The following C18orf63 variants were observed in gnomAD, a reference collection of about 807,000 sequenced individuals.
C18orf63 encodes uncharacterized protein C18orf63.
C18orf63 carries 50 observed loss-of-function variants against 75.3 expected under a neutral mutation model. The observed-to-expected ratio is 0.66, with a 90% CI of 0.53 to 0.84. The LOEUF (loss-of-function observed/expected upper bound fraction) is 0.84, where lower values mean the gene tolerates loss of function less well. Ranked by LOEUF, C18orf63 falls within the 40% of genes least tolerant of loss-of-function variation. The pLI is 0.00. For synonymous variants in C18orf63, 232 were observed against 267.6 expected (o/e 0.87, Z 1.30); for missense variants, 732 against 800.2 (o/e 0.91, Z 1.03).
rs575104205 is a variant in C18orf63 at position 74,347,851 on chromosome 18, C to T, written c.978+4149C>T. 9.2e-5 allele frequency among the ~76,000 whole-genome samples: 14 copies of T among 152,264 alleles called. No individual in the cohort carries two copies. The East Asian group carries it at 1.7e-3, about 19-fold the overall frequency. On this transcript the variant is annotated intron_variant, in intron 11 of 13. Coordinates refer to ENST00000579455, the MANE Select transcript of C18orf63 (RefSeq NM_001174123.2). ...ATAAAGGAAATTAGTATAATCACCTCTCATGTGCTTCTCATCTAGTTTCCC... is the reference window on the plus strand; with the variant it reads ...ATAAAGGAAATTAGTATAATCACCTTTCATGTGCTTCTCATCTAGTTTCCC...
Position 74,321,764 on chromosome 18 carries a change from G to A in C18orf63, c.214-934G>A, listed in dbSNP as rs898135705. On this transcript the variant is annotated intron_variant, in intron 3 of 13. Transcript: ENST00000579455. ...TTCAAGAATGTGAATTTAAGCAAGG[G>A]CGATAAGAGGAAAGTAGCTATCTGT... Among the ~76,000 whole-genome samples the A allele has an allele frequency of 7.9e-5, 12 of 151,920 alleles. No individual in the cohort carries two copies. In the South Asian group the frequency reaches 1.0e-3, roughly 13 times the overall value.
Position 74,358,684 on chromosome 18 carries a change from A to T in C18orf63, c.*2237A>T, listed in dbSNP as rs1558947. ...ACCATTTTAATTTTAAAACCATAAG[A>T]AAATAATTTTATGTTTGCCTATGTC... On this transcript the variant is annotated 3_prime_UTR_variant, in exon 14 of 14. Transcript: ENST00000579455. The T allele has an allele frequency of 2.0e-5, 3 of 151,588 alleles. No individual in the cohort carries two copies. The highest frequency in any genetic ancestry group is 7.3e-5 in the African/African-American group (3 of 41,246). 9.4% of individuals were successfully genotyped at this position (151,588 alleles called of 1,614,324 possible). A position where few individuals can be genotyped will look rare whatever the true frequency, so the allele number is the denominator to read the frequency against.
chr18:74,343,843 TTTG>T (rs1272211750), intron 11 of C18orf63, 141 bp downstream of exon 11: 1 of 435,672 alleles, frequency 2.3e-6, no homozygotes, highest in Non-Finnish European at 4.0e-6. Flanking sequence ...CCTAAAACTA[TTTG>T]TTATTATTAT....
chr18:74,342,486 T>A (rs1305855678), intron 10 of C18orf63, among the ~76,000 whole-genome samples, 160 bp downstream of exon 10: 1 of 152,194 alleles, frequency 6.6e-6, no homozygotes, highest in Non-Finnish European at 1.5e-5. Flanking sequence ...TGTTTCTGGT[T>A]TGCTTAGAAT....
intron 3 of C18orf63, among the ~76,000 whole-genome samples, chr18:74,321,733 A>G (rs1430298238): frequency 6.6e-6 from 1 of 152,184 alleles, no homozygotes; most frequent in Non-Finnish European, 1.5e-5. Context: ...TTAGAGTACT[A>G]GTAAATTCAA....
At chr18:74,332,104 C>A (rs922953043) in intron 7 of C18orf63, among the ~76,000 whole-genome samples, 13 of 152,096 alleles carry the variant, frequency 8.5e-5, no homozygotes, top group African/African-American at 3.1e-4. Context: ...TCTTTGTTTT[C>A]TGTCGCTTAG....
chr18:74,357,516 A>G lies in C18orf63; in HGVS notation c.*1069A>G, dbSNP rs1162344694. 2.6e-5 allele frequency: 4 copies of G among 152,256 alleles called. No homozygotes were observed. The East Asian group carries it at 7.7e-4, about 29-fold the overall frequency. The allele number at this position is 152,256 out of a possible 1,614,324, so 9.4% of individuals were successfully genotyped here. ...CGAAATATTATATAATTGTTGTAAT[A>G]TATTTAAAAGAAACCAAAATCTTCA... On this transcript the variant is annotated 3_prime_UTR_variant, in exon 14 of 14. Transcript: ENST00000579455.
At chr18:74,335,248 CTT>C in intron 7 of C18orf63, among the ~76,000 whole-genome samples, 1 of 152,158 alleles carries the variant, frequency 6.6e-6, no homozygotes, top group South Asian at 2.1e-4. Flanking sequence ...AACTAGGTGA[CTT>C]TTGTTTCTAA....
In C18orf63 at chr18:74,358,179, A is replaced by C. The variant is rs1984802462; in HGVS notation, c.*1732A>C. The stretch of plus-strand genomic sequence containing the variant: ...CATCTTCCAGTTCTTTATATAAATA[A>C]TCTTGATAGCCCCTCCTATACTCCA... On this transcript the variant is annotated 3_prime_UTR_variant, in exon 14 of 14. Transcript: ENST00000579455. 6.6e-6 allele frequency: 1 copy of C among 152,134 alleles called. No homozygotes were observed. The highest frequency in any genetic ancestry group is 2.1e-4 in the South Asian group (1 of 4,830). 9.4% of individuals were successfully genotyped at this position (152,134 alleles called of 1,614,324 possible). A position where few individuals can be genotyped will look rare whatever the true frequency, so the allele number is the denominator to read the frequency against.
chr18:74,354,084 C>T lies in C18orf63; in HGVS notation c.1817C>T (p.Pro606Leu). The T allele has an allele frequency of 1.3e-6, 2 of 1,536,210 alleles. No individual in the cohort carries two copies. The highest frequency in any genetic ancestry group is 2.4e-5 in the East Asian group (1 of 40,902). Reference sequence around the variant, plus strand: ...GAATCAGATGGAGAAACCGAAGATCCACGACTGCTACAGCAGCAATCAGAA... The same window carrying T: ...GAATCAGATGGAGAAACCGAAGATCTACGACTGCTACAGCAGCAATCAGAA... ...IFESDGETED[P>L]RLLQQQSENQ... is the part of the protein sequence containing the mutation. The change falls in exon 12 of 14, where the codon CCA becomes CTA. Residue 606 changes from proline to leucine, a missense_variant. By Grantham distance (98) the Pro-to-Leu change is moderately conservative (BLOSUM62 -3). Transcript: ENST00000579455.
At chr18:74,354,306 C>T in intron 12 of C18orf63, 38 bp downstream of exon 12, 2 of 1,457,306 alleles carry the variant, frequency 1.4e-6, no homozygotes, top group Non-Finnish European at 1.8e-6. Flanking sequence ...TTATCATATG[C>T]TAGACCCTTA....
At chr18:74,320,803 T>A (rs1286919513) in intron 3 of C18orf63, among the ~76,000 whole-genome samples, 1 of 152,226 alleles carries the variant, frequency 6.6e-6, no homozygotes, top group Non-Finnish European at 1.5e-5. Flanking sequence ...ACATTTATTT[T>A]TCTCATTATA....
Position 74,317,846 on chromosome 18 carries a change from A to G in C18orf63, c.-20A>G. Reference sequence around the variant, plus strand: ...TTTATTTTTAAAGGCCTGATTGCTGAGACACTCAGTCAGGAAAGTATGAAT... The same window carrying G: ...TTTATTTTTAAAGGCCTGATTGCTGGGACACTCAGTCAGGAAAGTATGAAT... On this transcript the variant is annotated 5_prime_UTR_variant, in exon 2 of 14. Transcript: ENST00000579455. The G allele has an allele frequency of 6.6e-7, 1 of 1,514,310 alleles. No individual in the cohort carries two copies. The highest frequency in any genetic ancestry group is 1.3e-5 in the South Asian group (1 of 79,554). The allele number at this position is 1,514,310 out of a possible 1,614,324, so 93.8% of individuals were successfully genotyped here. A position where few individuals can be genotyped will look rare whatever the true frequency, so the allele number is the denominator to read the frequency against.
intron 8 of C18orf63, among the ~76,000 whole-genome samples, chr18:74,339,789 G>A (rs1416708315): frequency 2.0e-5 from 3 of 152,130 alleles, no homozygotes; most frequent in East Asian, 3.8e-4. Context: ...AACAGATTCA[G>A]TAAAGTTGCA....
rs553636221 is a variant in C18orf63, at chr18:74,324,149, G to A, written c.270+1395G>A. 1.5e-4 allele frequency among the ~76,000 whole-genome samples: 23 copies of A among 152,136 alleles called. No homozygotes were observed. In the South Asian group the frequency reaches 2.7e-3, roughly 18 times the overall value. ...ATACAGATGCACTACAGTAAATGAC[G>A]CGGTACAAAAGCACTCAGGGAGCCT... On this transcript the variant is annotated intron_variant, in intron 4 of 13. Coordinates refer to ENST00000579455, the MANE Select transcript of C18orf63 (RefSeq NM_001174123.2).
intron 11 of C18orf63, among the ~76,000 whole-genome samples, chr18:74,344,109 C>A (rs1393395908): frequency 6.6e-6 from 1 of 152,054 alleles, no homozygotes; most frequent in Non-Finnish European, 1.5e-5. Context: ...CACTTAGAGA[C>A]TGAAGTATGA....
chr18:74,341,118 GC>G (rs1984475143), intron 8 of C18orf63, among the ~76,000 whole-genome samples: 1 of 151,392 alleles, frequency 6.6e-6, no homozygotes, highest in South Asian at 2.1e-4. Flanking sequence ...CAAAAAATTA[GC>G]CGGGCGTAGT....
In C18orf63 at chr18:74,342,872, A is replaced by T. The variant is rs563233328; in HGVS notation, c.794+546A>T. 1.3e-4 allele frequency among the ~76,000 whole-genome samples: 20 copies of T among 152,292 alleles called. No individual in the cohort carries two copies. The East Asian group carries it at 3.1e-3, about 23-fold the overall frequency. ...TGCTCAGGTGAAACTCTTAAATCTT[A>T]GTACTGATTTCACCATTTCCATCTT... On this transcript the variant is annotated intron_variant, in intron 10 of 13. Transcript: ENST00000579455.
In C18orf63 at chr18:74,354,288, G is replaced by C; in HGVS notation, c.2001+20G>C. ...AAGCAGGTAAAAAAAAAATTAATCT[G>C]GCACTACTTATCATATGCTAGACCC... On this transcript the variant is annotated intron_variant, in intron 12 of 13. Coordinates refer to ENST00000579455, the MANE Select transcript of C18orf63 (RefSeq NM_001174123.2). The C allele has an allele frequency of 6.7e-7, 1 of 1,488,844 alleles. No homozygotes were observed. Among genetic ancestry groups the C allele is most frequent in the African/African-American group, 1.4e-5 (1 of 70,658 alleles). 92.2% of individuals were successfully genotyped at this position (1,488,844 alleles called of 1,614,324 possible). A position where few individuals can be genotyped will look rare whatever the true frequency, so the allele number is the denominator to read the frequency against.
Sources: gnomAD v4.1 joint callset for allele counts (sites outside exome capture counted in the v4.1 genomes callset) on GRCh38, gnomAD v4.1.1 for gene constraint, MANE v1.5 for transcripts, NCBI Gene and HGNC (gene_info 2026-07-23, HGNC 2026-07-21) for gene names.